RIC1: variants seen among roughly 807,000 people sequenced by gnomAD.
The protein encoded by RIC1 is RIC1 partner of RAB6A GEF complex, also known as guanine nucleotide exchange factor subunit RIC1.
RIC1 carries 88 observed loss-of-function variants against 169.0 expected under a neutral mutation model. That is an observed-to-expected ratio of 0.52 (90% CI 0.44 to 0.62). RIC1 has a LOEUF of 0.62. Among genes scored for constraint, RIC1 ranks in the 20% least tolerant of loss-of-function variants. The pLI, the probability that RIC1 is intolerant of heterozygous loss-of-function variation, is 0.00. For synonymous variants in RIC1, 790 were observed against 601.5 expected (o/e 1.31, Z -4.59); for missense variants, 1,877 against 1,725.5 (o/e 1.09, Z -1.56).
intron 23 of RIC1, among the ~76,000 whole-genome samples, chr9:5,771,525 A>G (rs1827219623): frequency 6.6e-6 from 1 of 152,104 alleles, no homozygotes; most frequent in South Asian, 2.1e-4. Context: ...GTTTTCAGTT[A>G]TTTTGGGTAT....
chr9:5,761,654 ATC>A (rs1035612417), intron 17 of RIC1, among the ~76,000 whole-genome samples: 16 of 152,156 alleles, frequency 1.1e-4, no homozygotes, highest in African/African-American at 3.4e-4. Flanking sequence ...TCTTTGGTTC[ATC>A]TCTTTTTCTA....
chr9:5,677,319 T>C (rs943591318), intron 2 of RIC1, among the ~76,000 whole-genome samples: 29 of 152,340 alleles, frequency 1.9e-4, no homozygotes, highest in African/African-American at 6.0e-4. Flanking sequence ...GTTATGTGTG[T>C]GTCTTATTTG....
intron 2 of RIC1, among the ~76,000 whole-genome samples, 154 bp from the exon 3 acceptor site, chr9:5,689,805 A>G (rs541547210): frequency 6.6e-6 from 1 of 152,330 alleles, no homozygotes; most frequent in East Asian, 1.9e-4. Context: ...TATATTAAAA[A>G]GTCGCTTCTA....
At chr9:5,629,794 T>C (rs1817629325) in intron 1 of RIC1, among the ~76,000 whole-genome samples, 1 of 152,196 alleles carries the variant, frequency 6.6e-6, no homozygotes, top group African/African-American at 2.4e-5. Context: ...GGGACAAATT[T>C]GTTTAAACTT....
chr9:5,687,678 T>C (rs1821333689), intron 2 of RIC1, among the ~76,000 whole-genome samples: 1 of 152,322 alleles, frequency 6.6e-6, no homozygotes, highest in South Asian at 2.1e-4. Context: ...AGGAAACATA[T>C]ATTATACACA....
intron 3 of RIC1, chr9:5,712,941 A>G (rs1018830107): frequency 6.6e-5 from 10 of 152,210 alleles, no homozygotes; most frequent in African/African-American, 2.4e-4. Context: ...AATCACCACA[A>G]AACTTTATAA....
intron 1 of RIC1, among the ~76,000 whole-genome samples, chr9:5,655,214 C>T (rs906193778): frequency 5.3e-5 from 8 of 152,110 alleles, no homozygotes; most frequent in African/African-American, 1.2e-4. Context: ...TTCTTTATCA[C>T]GTTGAAAAAA....
At chr9:5,636,928 A>T (rs1355135509) in intron 1 of RIC1, among the ~76,000 whole-genome samples, 1 of 152,198 alleles carries the variant, frequency 6.6e-6, no homozygotes, top group Non-Finnish European at 1.5e-5. Context: ...TACAAGGAAG[A>T]TGTTTAATAA....
chr9:5,682,435 T>C (rs532550746), intron 2 of RIC1, among the ~76,000 whole-genome samples: 1 of 152,326 alleles, frequency 6.6e-6, no homozygotes, highest in South Asian at 2.1e-4. Flanking sequence ...TTTGGCTGGA[T>C]ATGAAATTCT....
intron 21 of RIC1, 122 bp downstream of exon 21, chr9:5,765,920 A>G (rs1174779874): frequency 8.0e-7 from 1 of 1,253,896 alleles, no homozygotes; most frequent in African/African-American, 1.5e-5. Context: ...TTCTTTTTCC[A>G]TTCCCAAAAA....
At chr9:5,681,560 A>G (rs199546521) in intron 2 of RIC1, among the ~76,000 whole-genome samples, 1 of 152,188 alleles carries the variant, frequency 6.6e-6, no homozygotes, top group Admixed American at 6.5e-5. Flanking sequence ...GCCTTACTTC[A>G]AACTATGTGG....
chr9:5,750,224 A>G (rs1429972003), intron 12 of RIC1, among the ~76,000 whole-genome samples: 5 of 151,944 alleles, frequency 3.3e-5, no homozygotes, highest in African/African-American at 1.2e-4. Context: ...GTTTTAGGCC[A>G]TGTTCCTTCT....
intron 2 of RIC1, among the ~76,000 whole-genome samples, chr9:5,677,666 GTATTTCCATATTT>G (rs1478471292): frequency 6.6e-6 from 1 of 151,744 alleles, no homozygotes. Flanking sequence ...GTAGGCCTTT[GTATTTCCATATTT>G]TATGTTCATC....
In RIC1 at chr9:5,639,502, C is replaced by A. The variant is rs76890321; in HGVS notation, c.144+10049C>A. 8.8e-3 allele frequency among the ~76,000 whole-genome samples: 1,341 copies of A among 152,224 alleles called. 16 individuals carry two copies. The highest frequency in any genetic ancestry group is 0.031 in the African/African-American group (1,284 of 41,534). On this transcript the variant is annotated intron_variant, in intron 1 of 25. Transcript: ENST00000414202. Reference sequence around the variant, plus strand: ...TTTTGAATATTTTAAGATTTGTGACCTATCATATGAGCAATCCTTAAGTGA... The same window carrying A: ...TTTTGAATATTTTAAGATTTGTGACATATCATATGAGCAATCCTTAAGTGA...
chr9:5,743,789 T>C (rs1302568382), intron 10 of RIC1, 52 bp downstream of exon 10: 3 of 1,319,810 alleles, frequency 2.3e-6, no homozygotes, highest in Non-Finnish European at 3.2e-6. Context: ...CTTGGATTTT[T>C]CTTCCCTTTT....
chr9:5,644,481 A>G (rs1282539088), intron 1 of RIC1, among the ~76,000 whole-genome samples: 1 of 152,230 alleles, frequency 6.6e-6, no homozygotes, highest in South Asian at 2.1e-4. Flanking sequence ...TAGTGTAATC[A>G]TCAGCTAAAG....
rs989506577 is a variant in RIC1, at chr9:5,774,394, C to T, written c.*148C>T. ...TAGATTTTAACTAATTCTTTCTTGT[C>T]TAAGAAATCTTTTTGACTCCATAAA... On this transcript the variant is annotated 3_prime_UTR_variant, in exon 26 of 26. Coordinates refer to ENST00000414202, the MANE Select transcript of RIC1 (RefSeq NM_020829.4). 4 of 614,976 alleles carry T rather than the reference C, an allele frequency of 6.5e-6. No individual in the cohort carries two copies. In the Admixed American group the frequency reaches 1.0e-4, roughly 16 times the overall value. 38.1% of individuals were successfully genotyped at this position (614,976 alleles called of 1,614,324 possible).
At chr9:5,711,077 G>C (rs1822901830) in intron 3 of RIC1, among the ~76,000 whole-genome samples, 1 of 152,120 alleles carries the variant, frequency 6.6e-6, no homozygotes, top group Non-Finnish European at 1.5e-5. Flanking sequence ...GGTGCTCAGT[G>C]CAATGATAAA....
intron 21 of RIC1, among the ~76,000 whole-genome samples, chr9:5,766,064 C>CA (rs200268917): frequency 0.012 from 1,899 of 152,222 alleles, 55 homozygotes; most frequent in African/African-American, 0.044. Context: ...TTGTTTAAGA[C>CA]AGAGTCTCAC....
Sources: allele counts gnomAD v4.1 joint callset (sites outside exome capture counted in the v4.1 genomes callset), GRCh38; gene constraint gnomAD v4.1.1; transcripts MANE v1.5; gene names NCBI Gene and HGNC (gene_info 2026-07-23, HGNC 2026-07-21).